The following PCCA variants were observed in gnomAD, a reference collection of about 807,000 sequenced individuals.
The protein encoded by PCCA is propionyl-CoA carboxylase subunit alpha, also known as propionyl-CoA carboxylase alpha chain, mitochondrial.
Under a neutral mutation model 101.3 loss-of-function variants are expected in PCCA, and 74 were observed. The observed-to-expected ratio is 0.73, with a 90% CI of 0.61 to 0.89. The LOEUF (loss-of-function observed/expected upper bound fraction) is 0.89, where lower values mean the gene tolerates loss of function less well. PCCA is among the 40% of genes least tolerant of loss of function. The pLI, the probability that PCCA is intolerant of heterozygous loss-of-function variation, is 0.00. For synonymous variants in PCCA, 294 were observed against 313.6 expected (o/e 0.94, Z 0.66); for missense variants, 891 against 907.0 (o/e 0.98, Z 0.23).
intron 20 of PCCA, among the ~76,000 whole-genome samples, chr13:100,445,366 A>G (rs1023367796): frequency 6.6e-6 from 1 of 151,566 alleles, no homozygotes; most frequent in African/African-American, 2.4e-5. Flanking sequence ...CAGTGGATAC[A>G]CTGTGGAATG....
chr13:100,174,645 T>G (rs979954555), intron 6 of PCCA, among the ~76,000 whole-genome samples: 1 of 150,258 alleles, frequency 6.7e-6, no homozygotes, highest in Non-Finnish European at 1.5e-5. Flanking sequence ...GGAGAATTGC[T>G]TGGACCTGGA....
At chr13:100,358,969 C>T (rs149854507) in intron 18 of PCCA, among the ~76,000 whole-genome samples, 3,199 of 151,918 alleles carry the variant, frequency 0.021, 37 homozygotes, top group African/African-American at 0.041. Flanking sequence ...TGGTGGTGCA[C>T]GCCTGTAATC....
chr13:100,117,855 G>A (rs866884558), intron 4 of PCCA, among the ~76,000 whole-genome samples: 5 of 151,956 alleles, frequency 3.3e-5, no homozygotes, highest in African/African-American at 1.2e-4. Context: ...AGTGGCTCAC[G>A]CCTGTAATCC....
chr13:100,522,685 G>A (rs1332947154), intron 22 of PCCA, among the ~76,000 whole-genome samples: 1 of 152,174 alleles, frequency 6.6e-6, no homozygotes, highest in Non-Finnish European at 1.5e-5. Flanking sequence ...ACTCTTAATA[G>A]GGAACCTTGT....
intron 4 of PCCA, chr13:100,149,813 G>A (rs1457179384): frequency 2.0e-5 from 3 of 152,116 alleles, no homozygotes; most frequent in Admixed American, 1.3e-4. Flanking sequence ...ACCTTTCTCA[G>A]TATGTACTAG....
At chr13:100,451,499 C>A (rs987996044) in intron 21 of PCCA, among the ~76,000 whole-genome samples, 2 of 152,148 alleles carry the variant, frequency 1.3e-5, no homozygotes, top group Admixed American at 6.5e-5. Context: ...ACTGCTTTCA[C>A]TCCTCAGTGT....
intron 6 of PCCA, among the ~76,000 whole-genome samples, chr13:100,193,596 T>C (rs181331715): frequency 6.6e-6 from 1 of 152,360 alleles, no homozygotes; most frequent in African/African-American, 2.4e-5. Context: ...CTTGTTCTTT[T>C]AATTCATTTT....
chr13:100,167,908 A>G (rs2055215652), intron 6 of PCCA, among the ~76,000 whole-genome samples: 2 of 152,054 alleles, frequency 1.3e-5, no homozygotes, highest in Non-Finnish European at 1.5e-5. Flanking sequence ...CTGGGATTAT[A>G]GGCGCCCACC....
chr13:100,282,247 CA>C (rs1462338434), intron 12 of PCCA, among the ~76,000 whole-genome samples: 1 of 152,244 alleles, frequency 6.6e-6, no homozygotes, highest in African/African-American at 2.4e-5. Context: ...GCTTTCTGAG[CA>C]AAGACCCTGG....
chr13:100,133,891 C>T (rs113139156), intron 4 of PCCA, among the ~76,000 whole-genome samples: 14,714 of 152,220 alleles, frequency 0.097, 781 homozygotes, highest in African/African-American at 0.13. Context: ...TTCTCTTGTG[C>T]TGCATGCTTC....
chr13:100,259,994 T>C (rs1036458496), intron 9 of PCCA, among the ~76,000 whole-genome samples: 2 of 152,202 alleles, frequency 1.3e-5, no homozygotes, highest in African/African-American at 4.8e-5. Flanking sequence ...CTTATTTTAT[T>C]TTGGTGACTT....
intron 2 of PCCA, among the ~76,000 whole-genome samples, chr13:100,109,939 C>G (rs2048151457): frequency 6.6e-6 from 1 of 152,154 alleles, no homozygotes; most frequent in South Asian, 2.1e-4. Flanking sequence ...CGAGGCCGGC[C>G]TGACCAACAT....
intron 19 of PCCA, among the ~76,000 whole-genome samples, chr13:100,397,111 C>T (rs758588317): frequency 5.2e-4 from 79 of 152,218 alleles, no homozygotes; most frequent in Admixed American, 1.4e-3. Flanking sequence ...AAACCCCAGA[C>T]GTCATGGATT....
chr13:100,487,329 A>G (rs1488605728), intron 21 of PCCA, among the ~76,000 whole-genome samples: 1 of 152,228 alleles, frequency 6.6e-6, no homozygotes, highest in Non-Finnish European at 1.5e-5. Context: ...ATCTGGAAGT[A>G]TCACACCATG....
chr13:100,287,780 GTTCT>G (rs2064803677), intron 12 of PCCA, among the ~76,000 whole-genome samples: 1 of 149,846 alleles, frequency 6.7e-6, no homozygotes, highest in Non-Finnish European at 1.5e-5. Flanking sequence ...TGATTAGTGA[GTTCT>G]TTATTTTGAT....
chr13:100,425,742 T>G lies in PCCA; in HGVS notation c.1845+11T>G. The stretch of plus-strand genomic sequence containing the variant: ...CAGAGGACTGTCCAGGTGAGTGTTG[T>G]AAGGATTTCCTTAGAGGGCCTCCTC... On this transcript the variant is annotated intron_variant, in intron 20 of 23. Coordinates refer to ENST00000376285, the MANE Select transcript of PCCA (RefSeq NM_000282.4). 1 of 1,592,646 alleles carries G rather than the reference T, an allele frequency of 6.3e-7. No homozygotes were observed. The highest frequency in any genetic ancestry group is 2.2e-5 in the East Asian group (1 of 44,742).
At chr13:100,132,005 A>T (rs1411211353) in intron 4 of PCCA, among the ~76,000 whole-genome samples, 3 of 152,162 alleles carry the variant, frequency 2.0e-5, no homozygotes, top group Non-Finnish European at 4.4e-5. Context: ...AGGGGGTGAC[A>T]AGAGTTAGGT....
At chr13:100,111,790 C>T (rs2152278286) in intron 2 of PCCA, 51 bp from the exon 3 acceptor site, 2 of 1,340,534 alleles carry the variant, frequency 1.5e-6, no homozygotes, top group East Asian at 2.3e-5. Flanking sequence ...GGTCTTAAAC[C>T]ATCGGTTTAA....
rs139885995 is a variant in PCCA, at chr13:100,397,763, T to C, written c.1747-27870T>C. 9.3e-3 allele frequency among the ~76,000 whole-genome samples: 1,421 copies of C among 152,302 alleles called. 14 individuals are homozygous for C. The highest frequency in any genetic ancestry group is 0.024 in the Middle Eastern group (7 of 294). On this transcript the variant is annotated intron_variant, in intron 19 of 23. Transcript: ENST00000376285. ...GGGTTTATGCTTGTTTTATCGCTTG[T>C]GGTTTTTATAAAATAAAAACTGTGT...
Sources: allele counts gnomAD v4.1 joint callset (sites outside exome capture counted in the v4.1 genomes callset), GRCh38; gene constraint gnomAD v4.1.1; transcripts MANE v1.5; gene names NCBI Gene and HGNC (gene_info 2026-07-23, HGNC 2026-07-21).